KHNYN: variants seen among roughly 807,000 people sequenced by gnomAD.
KHNYN encodes protein KHNYN.
KHNYN carries 42 observed loss-of-function variants against 62.7 expected under a neutral mutation model. The ratio of observed to expected loss-of-function variants is 0.67; its 90% CI spans 0.52 to 0.87. The LOEUF is 0.87. KHNYN is among the 40% of genes least tolerant of loss of function. The pLI is 0.00. For synonymous variants in KHNYN, 347 were observed against 345.6 expected, an observed-to-expected ratio of 1.00 and a Z score of -0.04; for missense variants, 829 against 874.1, an observed-to-expected ratio of 0.95 and a Z score of 0.65.
upstream of KHNYN, among the ~76,000 whole-genome samples, chr14:24,428,585 T>C (rs2043049133): frequency 7.1e-6 from 1 of 141,148 alleles, no homozygotes; most frequent in African/African-American, 2.7e-5. Context: ...TGCGTATGGG[T>C]GGAGGGAGGG....
Position 24,439,877 on chromosome 14 carries a change from A to C in KHNYN, c.*2592A>C. 1.9e-6 allele frequency: 1 copy of C among 517,936 alleles called. No individual in the cohort carries two copies. The highest frequency in any genetic ancestry group is 3.4e-6 in the Non-Finnish European group (1 of 295,176). The allele number at this position is 517,936 out of a possible 1,614,324, so 32.1% of individuals were successfully genotyped here. On this transcript the variant is annotated 3_prime_UTR_variant, in exon 8 of 8. Transcript: ENST00000553935. Reference sequence around the variant, plus strand: ...TAGAGAAACCAAACTGGGAAATCTTACAAGGAGTTGAAAAGATTAATGTCC... The same window carrying C: ...TAGAGAAACCAAACTGGGAAATCTTCCAAGGAGTTGAAAAGATTAATGTCC...
In KHNYN at chr14:24,430,791, G is replaced by A; in HGVS notation, c.61G>A (p.Glu21Lys). 1 of 1,607,282 alleles carries A rather than the reference G, an allele frequency of 6.2e-7. No individual in the cohort carries two copies. Among genetic ancestry groups the A allele is most frequent in the East Asian group, 2.2e-5 (1 of 44,468 alleles). ...TCGCTTTGCGGTGTCTGCGGAGGCT[G>A]AGAACAAGGTTCGGGAACAGCAGCC... ...PDRFAVSAEA[E>K]NKVREQQPHV... The change falls in exon 2 of 8, where the codon GAG becomes AAG. Residue 21 changes from glutamate to lysine, a missense_variant. By Grantham distance (56) the Glu-to-Lys change is moderately conservative. Transcript: ENST00000553935.
At position 24,432,803 on chromosome 14, in the gene KHNYN, A is replaced by G; in HGVS notation, c.1431A>G (p.Ile477Met). The part of the protein sequence containing the change: ...QYFWDRGHRD[I>M]TVFVPQWRFS... ...TCTGGGACCGTGGTCACCGTGACAT[A>G]ACTGTCTTTGTGCCTCAGTGGCGCT... The change falls in exon 4 of 8, where the codon ATA (isoleucine) becomes ATG (methionine). Residue 477 changes from isoleucine (I) to methionine (M), a missense_variant. Coordinates refer to ENST00000553935, the MANE Select transcript of KHNYN (RefSeq NM_015299.3). The surrounding 1 kb of genome is among the most constrained non-coding windows in gnomAD (Gnocchi z 5.6). 1 of 1,614,236 alleles carries G rather than the reference A, an allele frequency of 6.2e-7. No individual in the cohort carries two copies. The highest frequency in any genetic ancestry group is 8.5e-7 in the Non-Finnish European group (1 of 1,180,036).
chr14:24,429,702 G>A (rs1176201346), upstream of KHNYN: 1 of 985,296 alleles, frequency 1.0e-6, no homozygotes, highest in Non-Finnish European at 1.2e-6. Flanking sequence ...CTTTATTCGC[G>A]GGAAACAACT....
chr14:24,432,577 A>G lies in KHNYN; in HGVS notation c.1316A>G (p.His439Arg), dbSNP rs2139385508. 1 of 1,609,096 alleles carries G rather than the reference A, an allele frequency of 6.2e-7. No individual in the cohort carries two copies. Among genetic ancestry groups the G allele is most frequent in the East Asian group, 2.2e-5 (1 of 44,766 alleles). Residue 439 changes from histidine (H) to arginine (R), a missense_variant, in exon 3 of 8, where the codon CAT becomes CGT. His to Arg is a conservative substitution (Grantham distance 29). Transcript: ENST00000553935. This position sits in a 1 kb window ranked among gnomAD's most constrained non-coding sequence, Gnocchi z 5.6. Reference protein sequence around the residue: ...ANVPGQPDLRHIVIDGSNVAM... With the variant: ...ANVPGQPDLRRIVIDGSNVAM... ...GTGCCTGGCCAGCCAGACCTCCGCC[A>G]TATTGTCATTGACGGCAGCAACGTG... is the stretch of plus-strand genomic sequence containing the variant.
chr14:24,428,802 C>G (rs774773920), upstream of KHNYN: 1 of 1,609,632 alleles, frequency 6.2e-7, no homozygotes, highest in South Asian at 1.1e-5. Context: ...GTTTCCCCTG[C>G]TGGCTCATGG....
At position 24,438,566 on chromosome 14, in the gene KHNYN, T is replaced by C. The variant is rs142687186; in HGVS notation, c.*1281T>C. 15 of 152,314 alleles carry C rather than the reference T, an allele frequency of 9.8e-5. No individual in the cohort carries two copies. The East Asian group carries it at 2.9e-3, about 29-fold the overall frequency. The allele number at this position is 152,314 out of a possible 1,614,324, so 9.4% of individuals were successfully genotyped here. A position where few individuals can be genotyped will look rare whatever the true frequency, so the allele number is the denominator to read the frequency against. On this transcript the variant is annotated 3_prime_UTR_variant, in exon 8 of 8. Transcript: ENST00000553935. ...ACTGACATGCTTTCTTCACCCTGAT[T>C]CCTAGAGGTCATTGCCCTGGATCTG...
chr14:24,439,907 C>T lies in KHNYN; in HGVS notation c.*2622C>T, dbSNP rs887702761. On this transcript the variant is annotated 3_prime_UTR_variant, in exon 8 of 8. Transcript: ENST00000553935. ...GAGTTGAAAAGATTAATGTCCCAAC[C>T]TGATGAGATTACGGCCTTGAGACAA... 2 of 584,300 alleles carry T rather than the reference C, an allele frequency of 3.4e-6. No individual in the cohort carries two copies. The highest frequency in any genetic ancestry group is 5.7e-5 in the East Asian group (2 of 35,066). The allele number at this position is 584,300 out of a possible 1,614,324, so 36.2% of individuals were successfully genotyped here.
intron 5 of KHNYN, chr14:24,435,700 G>C: frequency 3.8e-6 from 1 of 264,280 alleles, no homozygotes; most frequent in South Asian, 5.1e-5. Context: ...GACTATGGTT[G>C]GCAGATAGGA....
chr14:24,436,569 T>C, intron 7 of KHNYN, 80 bp downstream of exon 7: 1 of 1,053,874 alleles, frequency 9.5e-7, no homozygotes, highest in Non-Finnish European at 1.4e-6. Flanking sequence ...TGGGTGGAAG[T>C]GTGACCTCAG....
In KHNYN at chr14:24,441,384, A is replaced by G; in HGVS notation, c.*4099A>G. 2.1e-6 allele frequency: 1 copy of G among 477,400 alleles called. No homozygotes were observed. The highest frequency in any genetic ancestry group is 2.8e-5 in the South Asian group (1 of 35,982). The allele number at this position is 477,400 out of a possible 1,614,324, so 29.6% of individuals were successfully genotyped here. A position where few individuals can be genotyped will look rare whatever the true frequency, so the allele number is the denominator to read the frequency against. The stretch of plus-strand genomic sequence containing the variant: ...TAATTGTTTGCAATTACTTGGTCCC[A>G]AAGGTGACCAGGAACTCTGTTCCTA... On this transcript the variant is annotated 3_prime_UTR_variant, in exon 8 of 8. Transcript: ENST00000553935.
chr14:24,430,410 CCTT>C (rs956471911), intron 1 of KHNYN: 8 of 1,177,994 alleles, frequency 6.8e-6, no homozygotes, highest in East Asian at 4.7e-5. Context: ...CCAGGAGACT[CCTT>C]CTGGCCTCCA....
At chr14:24,435,303 A>G (rs2043188636) in intron 5 of KHNYN, among the ~76,000 whole-genome samples, 1 of 152,100 alleles carries the variant, frequency 6.6e-6, no homozygotes, top group African/African-American at 2.4e-5. Flanking sequence ...ATATTGGGAG[A>G]GATAAGGCTG....
rs1166834191 is a variant in KHNYN, at chr14:24,440,645, CCTT to C, written c.*3363_*3365del. ...GTATGGCTGTCTTTAAGACCTCACA[CCTT>C]CTCATCTGCAGGTTGGCTAGAAGTG... On this transcript the variant is annotated 3_prime_UTR_variant, in exon 8 of 8. Transcript: ENST00000553935. 3.7e-6 allele frequency: 5 copies of C among 1,353,536 alleles called. No individual in the cohort carries two copies. Among genetic ancestry groups the C allele is most frequent in the South Asian group, 1.3e-5 (1 of 76,558 alleles). 83.8% of individuals were successfully genotyped at this position (1,353,536 alleles called of 1,614,324 possible).
At position 24,436,398 on chromosome 14, in the gene KHNYN, T is replaced by C; in HGVS notation, c.1696T>C (p.Phe566Leu). 1 of 1,613,976 alleles carries C rather than the reference T, an allele frequency of 6.2e-7. No individual in the cohort carries two copies. Among genetic ancestry groups the C allele is most frequent in the Non-Finnish European group, 8.5e-7 (1 of 1,179,918 alleles). ...MAIIRERLLPFTFVGNLFMVP... is the reference protein window; with the variant it reads ...MAIIRERLLPLTFVGNLFMVP... ...TCTTTCGCCATCCAGCCTGCTGCCC[T>C]TTACCTTTGTGGGAAACCTCTTCAT... is the stretch of plus-strand genomic sequence containing the variant. The change falls in exon 7 of 8, where the codon TTT becomes CTT. Residue 566 changes from phenylalanine to leucine, a missense_variant. This residue lies in a region of KHNYN where 270 missense variants were observed against 347.1 expected (regional missense o/e 0.78). Coordinates refer to ENST00000553935, the MANE Select transcript of KHNYN (RefSeq NM_015299.3).
intron 1 of KHNYN, chr14:24,430,429 A>G (rs368038592): frequency 2.4e-6 from 3 of 1,226,782 alleles, no homozygotes; most frequent in East Asian, 8.1e-5. Flanking sequence ...CTCCAGGCCG[A>G]GCTGGAGCCC....
Position 24,438,055 on chromosome 14 carries a change from A to AT in KHNYN, c.*774dup, listed in dbSNP as rs1274066805. The AT allele has an allele frequency of 6.6e-6, 1 of 152,602 alleles. No individual in the cohort carries two copies. The highest frequency in any genetic ancestry group is 1.5e-5 in the Non-Finnish European group (1 of 68,038). The allele number at this position is 152,602 out of a possible 1,614,324, so 9.5% of individuals were successfully genotyped here. A position where few individuals can be genotyped will look rare whatever the true frequency, so the allele number is the denominator to read the frequency against. ...TTTGTCTCCAGGATCCACACCCTAG[A>AT]TTTTAACACTGCATTCTCACTATAA... is the stretch of plus-strand genomic sequence containing the variant. On this transcript the variant is annotated 3_prime_UTR_variant, in exon 8 of 8. Coordinates refer to ENST00000553935, the MANE Select transcript of KHNYN (RefSeq NM_015299.3).
upstream of KHNYN, among the ~76,000 whole-genome samples, chr14:24,425,494 T>G (rs577768616): frequency 2.0e-5 from 3 of 152,290 alleles, no homozygotes; most frequent in South Asian, 6.2e-4. Context: ...GGAGCCGTCT[T>G]GGGTCATGAG....
Position 24,429,989 on chromosome 14 carries a change from TGG to T in KHNYN, c.-146_-145del. On this transcript the variant is annotated 5_prime_UTR_variant, in exon 1 of 8. An upstream open reading frame in the 5' UTR loses its in-frame stop. Coordinates refer to ENST00000553935, the MANE Select transcript of KHNYN (RefSeq NM_015299.3). ...CGATGTGGACAAGAGAGGTCCCCGCTGGGTGAGGAACCCGGGAAGGCCCGCCC... is the reference window on the plus strand; with the variant it reads ...CGATGTGGACAAGAGAGGTCCCCGCTGTGAGGAACCCGGGAAGGCCCGCCC... 2 of 986,124 alleles carry T rather than the reference TGG, an allele frequency of 2.0e-6. No homozygotes were observed. Among genetic ancestry groups the T allele is most frequent in the Non-Finnish European group, 2.4e-6 (2 of 830,190 alleles). The allele number at this position is 986,124 out of a possible 1,614,324, so 61.1% of individuals were successfully genotyped here.
Sources: gnomAD v4.1 joint callset for allele counts (sites outside exome capture counted in the v4.1 genomes callset) on GRCh38, gnomAD v4.1.1 for gene constraint, gnomAD v4.1.1 regional missense constraint, Gnocchi (gnomAD v3.1) non-coding constraint, MANE v1.5 for transcripts, NCBI Gene and HGNC (gene_info 2026-07-23, HGNC 2026-07-21) for gene names.